Variants in CTTNBP2 observed in about 807,000 individuals in gnomAD.
The protein encoded by CTTNBP2 is cortactin binding protein 2.
Under a neutral mutation model 156.9 loss-of-function variants are expected in CTTNBP2, and 108 were observed. That is an observed-to-expected ratio of 0.69 (90% CI 0.59 to 0.81). CTTNBP2 has a LOEUF of 0.81. CTTNBP2 is among the 30% of genes least tolerant of loss of function. The pLI, the probability that CTTNBP2 is intolerant of heterozygous loss-of-function variation, is 0.00. For synonymous variants in CTTNBP2, 767 were observed against 751.8 expected, an observed-to-expected ratio of 1.02 and a Z score of -0.33; for missense variants, 1,924 against 2,035.4, an observed-to-expected ratio of 0.95 and a Z score of 1.05.
chr7:117,785,906 C>T (rs1798679635), intron 4 of CTTNBP2, among the ~76,000 whole-genome samples: 3 of 152,098 alleles, frequency 2.0e-5, no homozygotes, highest in Admixed American at 1.3e-4. Context: ...GGCAGAATGG[C>T]CACCTGATTA....
intron 14 of CTTNBP2, among the ~76,000 whole-genome samples, chr7:117,742,137 G>T (rs2116533736): frequency 6.6e-6 from 1 of 152,310 alleles, no homozygotes; most frequent in East Asian, 1.9e-4. Flanking sequence ...TGTCCTTAAA[G>T]TATTTCGACA....
intron 2 of CTTNBP2, among the ~76,000 whole-genome samples, chr7:117,843,535 C>A (rs1166936520): frequency 1.3e-5 from 2 of 152,036 alleles, no homozygotes; most frequent in Non-Finnish European, 2.9e-5. Flanking sequence ...CTGGAACAGG[C>A]AAGGGGGCCA....
Position 117,724,272 on chromosome 7 carries a change from C to A in CTTNBP2, c.4447+275G>T, listed in dbSNP as rs1389050616. 2.0e-5 allele frequency among the ~76,000 whole-genome samples: 3 copies of A among 151,296 alleles called. No individual in the cohort carries two copies. In the East Asian group the frequency reaches 5.8e-4, roughly 29 times the overall value. ...GCAATGATTATACAAATTGTGAACA[C>A]CAAGAGAAACAAAATAATAAATAAA... On this transcript the variant is annotated intron_variant, in intron 19 of 22. Transcript: ENST00000160373.
At chr7:117,727,267 C>T (rs1795143436) in intron 17 of CTTNBP2, among the ~76,000 whole-genome samples, 1 of 152,172 alleles carries the variant, frequency 6.6e-6, no homozygotes, top group African/African-American at 2.4e-5. Flanking sequence ...TCAAAGCTCA[C>T]TGCAGTCTTG....
chr7:117,769,063 C>A (rs1797671264), intron 8 of CTTNBP2, among the ~76,000 whole-genome samples: 1 of 152,194 alleles, frequency 6.6e-6, no homozygotes, highest in Admixed American at 6.5e-5. Flanking sequence ...CAGAGCTGGA[C>A]TGCTGTGCAC....
chr7:117,750,938 T>G (rs1009713732), intron 12 of CTTNBP2, among the ~76,000 whole-genome samples: 1 of 152,196 alleles, frequency 6.6e-6, no homozygotes, highest in African/African-American at 2.4e-5. Flanking sequence ...GTTACCAGAA[T>G]TATCCCCTAA....
intron 2 of CTTNBP2, among the ~76,000 whole-genome samples, chr7:117,832,652 A>G (rs1801682084): frequency 6.7e-6 from 1 of 150,170 alleles, no homozygotes; most frequent in African/African-American, 2.4e-5. Context: ...ATCACTGACT[A>G]GGGAGAGATC....
chr7:117,777,034 T>A (rs1798142361), intron 8 of CTTNBP2, among the ~76,000 whole-genome samples: 1 of 152,252 alleles, frequency 6.6e-6, no homozygotes, highest in African/African-American at 2.4e-5. Flanking sequence ...TCAGAATCTT[T>A]GTGTATTCTA....
At chr7:117,772,541 A>G (rs566535631) in intron 8 of CTTNBP2, among the ~76,000 whole-genome samples, 2 of 152,316 alleles carry the variant, frequency 1.3e-5, no homozygotes, top group South Asian at 2.1e-4. Flanking sequence ...GGATTACCCT[A>G]TAACTGTTTA....
rs199809956 is a variant in CTTNBP2 at position 117,791,936 on chromosome 7, C to A, written c.1260G>T (p.Ser420=). ...AQTPGIAPQN[S]QAPPMHSLHS... is the part of the protein sequence containing the mutation. ...GTAAACTGTGCATAGGTGGAGCTTG[C>A]GAGTTCTGAGGAGCTATGCCTGGTG... Residue 420 remains serine (S), a synonymous_variant, in exon 4 of 23, where the codon TCG becomes TCT. Coordinates refer to ENST00000160373, the MANE Select transcript of CTTNBP2 (RefSeq NM_033427.3). 35 of 1,613,890 alleles carry A rather than the reference C, an allele frequency of 2.2e-5. No individual in the cohort carries two copies. Among genetic ancestry groups the A allele is most frequent in the Non-Finnish European group, 2.9e-5 (34 of 1,180,034 alleles).
intron 3 of CTTNBP2, among the ~76,000 whole-genome samples, chr7:117,803,690 G>A (rs1050745044): frequency 2.0e-5 from 3 of 152,228 alleles, no homozygotes; most frequent in African/African-American, 7.2e-5. Context: ...AAGAGAGGGT[G>A]AGAATCAGGT....
chr7:117,787,804 T>C (rs1450241563), intron 4 of CTTNBP2, among the ~76,000 whole-genome samples: 1 of 152,164 alleles, frequency 6.6e-6, no homozygotes, highest in Non-Finnish European at 1.5e-5. Flanking sequence ...ATTCCAATTT[T>C]CCTTGGGGCT....
intron 22 of CTTNBP2, chr7:117,714,286 T>C (rs1794220898): frequency 6.6e-6 from 1 of 152,176 alleles, no homozygotes; most frequent in Non-Finnish European, 1.5e-5. Flanking sequence ...CCAATCTCAT[T>C]TTTCCTAACA....
intron 2 of CTTNBP2, among the ~76,000 whole-genome samples, chr7:117,817,783 C>A (rs1386051673): frequency 6.6e-6 from 1 of 151,954 alleles, no homozygotes; most frequent in African/African-American, 2.4e-5. Flanking sequence ...TTATTTATTG[C>A]TAGGTGCTTT....
chr7:117,847,941 C>A (rs1340395007), intron 2 of CTTNBP2, among the ~76,000 whole-genome samples: 1 of 150,572 alleles, frequency 6.6e-6, no homozygotes, highest in Non-Finnish European at 1.5e-5. Flanking sequence ...GCCTCAGCCT[C>A]CCGACTAGCT....
intron 1 of CTTNBP2, among the ~76,000 whole-genome samples, chr7:117,866,078 C>T (rs890196865): frequency 6.6e-6 from 1 of 151,578 alleles, no homozygotes; most frequent in Non-Finnish European, 1.5e-5. Flanking sequence ...TTGGCGCAAG[C>T]GTGGGGAGGG....
intron 2 of CTTNBP2, among the ~76,000 whole-genome samples, chr7:117,836,544 C>T (rs1436090427): frequency 6.6e-6 from 1 of 152,172 alleles, no homozygotes; most frequent in Non-Finnish European, 1.5e-5. Flanking sequence ...GCCTGGGCGA[C>T]AGAGCGAGAC....
At chr7:117,854,799 T>TA (rs1803175706) in intron 2 of CTTNBP2, among the ~76,000 whole-genome samples, 1 of 152,146 alleles carries the variant, frequency 6.6e-6, no homozygotes, top group Admixed American at 6.5e-5. Flanking sequence ...TTTATTTATT[T>TA]TTTGAGACAG....
chr7:117,737,591 G>T (rs757278), intron 14 of CTTNBP2, among the ~76,000 whole-genome samples: 65,444 of 151,958 alleles, frequency 0.43, 18,152 homozygotes, highest in African/African-American at 0.78. Context: ...TTTATTTTTT[G>T]GAGATGGAGT....
Sources: allele counts gnomAD v4.1 joint callset (sites outside exome capture counted in the v4.1 genomes callset), GRCh38; gene constraint gnomAD v4.1.1; transcripts MANE v1.5; gene names NCBI Gene and HGNC (gene_info 2026-07-23, HGNC 2026-07-21).